The following DLC1 variants were observed in gnomAD, a reference collection of about 807,000 sequenced individuals.
The protein encoded by DLC1 is DLC1 Rho GTPase activating protein.
In DLC1, 54 loss-of-function variants were observed where a neutral mutation model predicts 140.3. The observed-to-expected ratio is 0.38, with a 90% CI of 0.31 to 0.48. The LOEUF is 0.48. Among genes scored for constraint, DLC1 ranks in the 20% least tolerant of loss-of-function variants. The probability of loss-of-function intolerance (pLI) is 0.96; values close to 1 mark genes in which losing one functional copy is unlikely to be tolerated. For missense variants in DLC1, 2,536 were observed against 1,907.0 expected, an observed-to-expected ratio of 1.33 and a Z score of -6.14; for synonymous variants, 986 against 728.1, an observed-to-expected ratio of 1.35 and a Z score of -5.70.
chr8:13,339,164 C>A (rs1377841346), intron 4 of DLC1, among the ~76,000 whole-genome samples: 1 of 152,182 alleles, frequency 6.6e-6, no homozygotes, highest in Non-Finnish European at 1.5e-5. Context: ...CTTTTGTCAT[C>A]AGTTGCCATG....
chr8:13,151,828 A>C (rs546355210), intron 5 of DLC1, among the ~76,000 whole-genome samples: 1 of 152,274 alleles, frequency 6.6e-6, no homozygotes, highest in African/African-American at 2.4e-5. Flanking sequence ...TACACCTTTA[A>C]AATTTTATAC....
intron 2 of DLC1, among the ~76,000 whole-genome samples, chr8:13,424,349 T>G (rs1052818815): frequency 6.6e-6 from 1 of 151,652 alleles, no homozygotes; most frequent in Admixed American, 6.6e-5. Context: ...ATTAGCCAGG[T>G]ATGGTGGTGC....
intron 5 of DLC1, among the ~76,000 whole-genome samples, chr8:13,270,008 G>A (rs35565101): frequency 1.3e-5 from 2 of 148,672 alleles, no homozygotes; most frequent in Non-Finnish European, 3.0e-5. Context: ...AGTGAGCTAA[G>A]ATCGTGCCAC....
chr8:13,150,614 T>G (rs1211467103), intron 5 of DLC1, among the ~76,000 whole-genome samples: 5 of 152,242 alleles, frequency 3.3e-5, no homozygotes, highest in Non-Finnish European at 7.3e-5. Context: ...GACTTCCTCC[T>G]TTGCAGGAAA....
intron 2 of DLC1, among the ~76,000 whole-genome samples, chr8:13,482,043 C>T (rs1190282977): frequency 6.6e-6 from 1 of 152,160 alleles, no homozygotes; most frequent in African/African-American, 2.4e-5. Context: ...AAGGAGCTAA[C>T]CCTGCCCACA....
chr8:13,164,180 C>T (rs573025820), intron 5 of DLC1, among the ~76,000 whole-genome samples: 14 of 152,130 alleles, frequency 9.2e-5, no homozygotes, highest in African/African-American at 3.1e-4. Context: ...CGCCTTAATC[C>T]CAGCTACTTG....
intron 5 of DLC1, among the ~76,000 whole-genome samples, chr8:13,156,485 T>G (rs1490568354): frequency 6.6e-6 from 1 of 152,338 alleles, no homozygotes; most frequent in Non-Finnish European, 1.5e-5. Flanking sequence ...AAAACTCTTC[T>G]TTTCCTTCCC....
chr8:13,379,560 A>G (rs1204946695), intron 4 of DLC1, among the ~76,000 whole-genome samples: 2 of 152,182 alleles, frequency 1.3e-5, no homozygotes, highest in Non-Finnish European at 2.9e-5. Flanking sequence ...TTGCTTTTGC[A>G]TCAGGCTCAT....
intron 2 of DLC1, among the ~76,000 whole-genome samples, chr8:13,434,877 G>A (rs530225226): frequency 2.0e-5 from 3 of 152,084 alleles, no homozygotes; most frequent in South Asian, 2.1e-4. Flanking sequence ...ATGGTGTTTC[G>A]TCGTGTTGCT....
intron 5 of DLC1, among the ~76,000 whole-genome samples, chr8:13,221,726 G>GTGTATATATATATA (rs952162614): frequency 1.5e-5 from 2 of 132,448 alleles, no homozygotes; most frequent in African/African-American, 5.8e-5. Context: ...GTGTGTGTGT[G>GTGTATATATATATA]TATATATATA....
intron 4 of DLC1, among the ~76,000 whole-genome samples, chr8:13,385,285 G>GT (rs1836467412): frequency 6.6e-6 from 1 of 152,126 alleles, no homozygotes; most frequent in Non-Finnish European, 1.5e-5. Context: ...CAACAACACA[G>GT]ATAAAGCAAT....
chr8:13,398,508 T>C (rs1837152205), intron 3 of DLC1, among the ~76,000 whole-genome samples: 1 of 149,024 alleles, frequency 6.7e-6, no homozygotes, highest in Middle Eastern at 3.6e-3. Context: ...CTCATGCTTA[T>C]AATCCCAACA....
intron 5 of DLC1, among the ~76,000 whole-genome samples, chr8:13,298,952 G>A (rs1341543352): frequency 6.6e-6 from 1 of 152,266 alleles, no homozygotes; most frequent in East Asian, 1.9e-4. Context: ...CAAAATTTGT[G>A]AAGTGTTCTT....
At chr8:13,418,037 G>T (rs965950477) in intron 2 of DLC1, among the ~76,000 whole-genome samples, 7 of 152,040 alleles carry the variant, frequency 4.6e-5, no homozygotes, top group African/African-American at 1.7e-4. Context: ...TGTTCATATC[G>T]TTTGCCTACT....
intron 5 of DLC1, among the ~76,000 whole-genome samples, chr8:13,278,172 G>T (rs1373346744): frequency 6.6e-6 from 1 of 152,196 alleles, no homozygotes; most frequent in Non-Finnish European, 1.5e-5. Flanking sequence ...GATTAGGAGA[G>T]AATGCATGCT....
chr8:13,091,289 T>A, intron 14 of DLC1, 29 bp downstream of exon 14: 1 of 1,610,332 alleles, frequency 6.2e-7, no homozygotes, highest in Non-Finnish European at 8.5e-7. Flanking sequence ...TTATCCTTAA[T>A]AAAGGAGCCA....
chr8:13,496,784 TC>T (rs372683023), intron 2 of DLC1, among the ~76,000 whole-genome samples: 103,597 of 125,320 alleles, frequency 0.83, 45,819 homozygotes, highest in Non-Finnish European at 0.93. Context: ...TTAGACCATT[TC>T]CTTTTTTTTT....
chr8:13,587,583 T>A (rs1023607856), intron 1 of DLC1, among the ~76,000 whole-genome samples: 249 of 115,732 alleles, frequency 2.2e-3, no homozygotes, highest in African/African-American at 7.5e-3. Context: ...AGAGAGAAAA[T>A]ATATATATAT....
intron 2 of DLC1, among the ~76,000 whole-genome samples, chr8:13,418,176 C>G (rs953072048): frequency 6.6e-5 from 10 of 152,106 alleles, no homozygotes; most frequent in Admixed American, 2.0e-4. Flanking sequence ...CCTGTTCACT[C>G]TGATGGTAGT....
Sources: allele counts gnomAD v4.1 joint callset (sites outside exome capture counted in the v4.1 genomes callset), GRCh38; gene constraint gnomAD v4.1.1; transcripts MANE v1.5; gene names NCBI Gene and HGNC (gene_info 2026-07-23, HGNC 2026-07-21).